Variants in WDR46 observed in about 807,000 individuals in gnomAD.
WDR46 encodes the protein WD repeat-containing protein 46.
Under a neutral mutation model 74.7 loss-of-function variants are expected in WDR46, and 58 were observed. The ratio of observed to expected loss-of-function variants is 0.78; its 90% CI spans 0.63 to 0.97. The LOEUF is 0.97. Among genes scored for constraint, WDR46 ranks in the 50% least tolerant of loss-of-function variants. The probability of loss-of-function intolerance (pLI) is 0.00; values close to 1 mark genes in which losing one functional copy is unlikely to be tolerated. For synonymous variants in WDR46, 278 were observed against 297.3 expected, an observed-to-expected ratio of 0.93 and a Z score of 0.67; for missense variants, 702 against 790.1, an observed-to-expected ratio of 0.89 and a Z score of 1.34.
At position 33,288,140 on chromosome 6, in the gene WDR46, A is replaced by G. The variant is rs1349859667; in HGVS notation, c.561+8T>C. 1 of 1,614,166 alleles carries G rather than the reference A, an allele frequency of 6.2e-7. No individual in the cohort carries two copies. Among genetic ancestry groups the G allele is most frequent in the Non-Finnish European group, 8.5e-7 (1 of 1,180,038 alleles). ...AATCCCTTGGCTCCTTTACCTCCTC[A>G]GGCTCACCTTGGCTGCACTTGCAAT... On this transcript the variant is annotated splice_region_variant and intron_variant, in intron 5 of 14. Transcript: ENST00000374617.
In WDR46 at chr6:33,288,032, A is replaced by G; in HGVS notation, c.562-6T>C. 1 of 1,614,154 alleles carries G rather than the reference A, an allele frequency of 6.2e-7. No individual in the cohort carries two copies. The highest frequency in any genetic ancestry group is 8.5e-7 in the Non-Finnish European group (1 of 1,180,008). The stretch of plus-strand genomic sequence containing the variant: ...CGCAGATTCAAGTCAAAGTGCTGGG[A>G]AAGAGAAGAGTGAAAAAAAAGAGTG... On this transcript the variant is annotated splice_polypyrimidine_tract_variant and splice_region_variant and intron_variant, in intron 5 of 14. Coordinates refer to ENST00000374617, the MANE Select transcript of WDR46 (RefSeq NM_005452.6).
In WDR46 at chr6:33,287,643, G is replaced by A; in HGVS notation, c.699C>T (p.Ile233=). The A allele has an allele frequency of 1.2e-6, 2 of 1,613,912 alleles. No individual in the cohort carries two copies. Among genetic ancestry groups the A allele is most frequent in the Non-Finnish European group, 1.7e-6 (2 of 1,180,008 alleles). The change falls in exon 7 of 15, where the codon ATC becomes ATT. Residue 233 remains isoleucine, a synonymous_variant. Coordinates refer to ENST00000374617, the MANE Select transcript of WDR46 (RefSeq NM_005452.6). ...DWVTKKLMCE[I]NVMEAVRDIR... Reference sequence around the variant, plus strand: ...TGTCCCGCACCGCCTCCATGACGTTGATCTCGCACATAAGCTTCTTTGTTA... The same window carrying A: ...TGTCCCGCACCGCCTCCATGACGTTAATCTCGCACATAAGCTTCTTTGTTA...
chr6:33,287,499 G>A lies in WDR46; in HGVS notation c.735C>T (p.Leu245=), dbSNP rs978290809. 3.7e-6 allele frequency: 6 copies of A among 1,613,324 alleles called. No individual in the cohort carries two copies. In the African/African-American group the frequency reaches 8.0e-5, roughly 22 times the overall value. The part of the protein sequence containing the change: ...VMEAVRDIRF[L]HSEALLAVAQ... Reference sequence around the variant, plus strand: ...CAACAGCAAGCAGTGCCTCAGAATGGAGAAACCTGGGGGAGAGGAAGAGTG... The same window carrying A: ...CAACAGCAAGCAGTGCCTCAGAATGAAGAAACCTGGGGGAGAGGAAGAGTG... The change falls in exon 8 of 15, where the codon CTC becomes CTT. Residue 245 remains leucine, a synonymous_variant. Coordinates refer to ENST00000374617, the MANE Select transcript of WDR46 (RefSeq NM_005452.6).
chr6:33,283,662 G>A (rs1213018452), intron 10 of WDR46, among the ~76,000 whole-genome samples: 1 of 152,142 alleles, frequency 6.6e-6, no homozygotes, highest in African/African-American at 2.4e-5. Flanking sequence ...CACTTTGGGA[G>A]GCCGAGGTGG....
At chr6:33,280,549 A>C in intron 11 of WDR46, 27 bp from the exon 12 acceptor site, 1 of 1,599,000 alleles carries the variant, frequency 6.3e-7, no homozygotes, top group Non-Finnish European at 8.5e-7. Flanking sequence ...AGAAGCATGG[A>C]GCCATAAGGA....
In WDR46 at chr6:33,280,834, GACA is replaced by G; in HGVS notation, c.1266_1268del (p.Val423del). The G allele has an allele frequency of 6.2e-7, 1 of 1,614,176 alleles. No homozygotes were observed. Among genetic ancestry groups the G allele is most frequent in the East Asian group, 2.2e-5 (1 of 44,880 alleles). On this transcript the variant is annotated inframe_deletion, in exon 11 of 15. Coordinates refer to ENST00000374617, the MANE Select transcript of WDR46 (RefSeq NM_005452.6). ...CCTTGCCCTGCCCTGCCCAGATGTT[GACA>G]ACGTCACCCATTCCCGCCACCAGCA...
intron 12 of WDR46, among the ~76,000 whole-genome samples, chr6:33,280,210 A>T (rs1266858066): frequency 2.1e-5 from 3 of 144,826 alleles, no homozygotes; most frequent in Non-Finnish European, 4.5e-5. Flanking sequence ...GACCCCGTCC[A>T]GGAGAGGGGA....
At position 33,280,787 on chromosome 6, in the gene WDR46, T is replaced by C; in HGVS notation, c.1316A>G (p.Gln439Arg). 1 of 1,614,186 alleles carries C rather than the reference T, an allele frequency of 6.2e-7. No individual in the cohort carries two copies. Among genetic ancestry groups the C allele is most frequent in the Non-Finnish European group, 8.5e-7 (1 of 1,180,016 alleles). Residue 439 changes from glutamine to arginine, a missense_variant, in exon 11 of 15, where the codon CAG becomes CGG. By Grantham distance (43) the Gln-to-Arg change is conservative (BLOSUM62 1). Transcript: ENST00000374617. Reference sequence around the variant, plus strand: ...TGAGAGCCGGTGGGTGAGGTAGGGCTGTTCAAGGGAGGGTGGGCTGGCCTT... The same window carrying C: ...TGAGAGCCGGTGGGTGAGGTAGGGCCGTTCAAGGGAGGGTGGGCTGGCCTT... ...QGKASPPSLE[Q>R]PYLTHRLSGP...
chr6:33,287,550 G>A (rs754579524), intron 7 of WDR46, 45 bp from the exon 8 acceptor site: 3 of 1,613,626 alleles, frequency 1.9e-6, no homozygotes, highest in Non-Finnish European at 2.5e-6. Context: ...GAGGTCACAG[G>A]CTATCATTCA....
chr6:33,288,477 CATT>C lies in WDR46; in HGVS notation c.361-10_361-8del, dbSNP rs1180144821. On this transcript the variant is annotated splice_polypyrimidine_tract_variant and splice_region_variant and intron_variant, in intron 3 of 14. Transcript: ENST00000374617. ...TGGCTTTAGAATGTGGTAGCTGTAACATTGTTGGTGGGGAGGAGTGGCAGAAGA... is the reference window on the plus strand; with the variant it reads ...TGGCTTTAGAATGTGGTAGCTGTAACGTTGGTGGGGAGGAGTGGCAGAAGA... 6 of 1,613,950 alleles carry C rather than the reference CATT, an allele frequency of 3.7e-6. No homozygotes were observed. Among genetic ancestry groups the C allele is most frequent in the South Asian group, 1.1e-5 (1 of 91,082 alleles).
At chr6:33,281,196 G>C (rs1269581429) in intron 10 of WDR46, among the ~76,000 whole-genome samples, 1 of 152,194 alleles carries the variant, frequency 6.6e-6, no homozygotes, top group African/African-American at 2.4e-5. Context: ...TGAGGAAACT[G>C]AAGCTCAGGG....
Position 33,280,679 on chromosome 6 carries a change from A to T in WDR46, c.1424T>A (p.Val475Asp). Residue 475 changes from valine to aspartate, a missense_variant, in exon 11 of 15, where the codon GTC (valine) becomes GAC (aspartate). Coordinates refer to ENST00000374617, the MANE Select transcript of WDR46 (RefSeq NM_005452.6). The stretch of plus-strand genomic sequence containing the variant: ...CCATCCCCTGGCCCACTCACCAGGG[A>T]CCAGCATGCTGGTGATGCCCCCAGT... ...GHTGGITSML[V>D]PGAGEPNFDG... 6.3e-7 allele frequency: 1 copy of T among 1,583,384 alleles called. No homozygotes were observed. Among genetic ancestry groups the T allele is most frequent in the Non-Finnish European group, 8.6e-7 (1 of 1,161,518 alleles).
At chr6:33,279,452 G>A (rs755408659) in intron 14 of WDR46, 45 bp downstream of exon 14, 2 of 1,610,684 alleles carry the variant, frequency 1.2e-6, no homozygotes, top group African/African-American at 1.3e-5. Flanking sequence ...ACAAGCAGGA[G>A]GGTGCAGCCT....
chr6:33,288,956 C>A lies in WDR46; in HGVS notation c.127G>T (p.Gly43Trp). The A allele has an allele frequency of 6.2e-7, 1 of 1,614,108 alleles. No homozygotes were observed. ...TVPTTAGASP[G>W]PPRNKKNREL... ...CGATTCTTCTTGTTACGAGGAGGCC[C>A]TGGAGAGGCTCCGGCTGTGGTCGGA... The change falls in exon 2 of 15, where the codon GGG becomes TGG. Residue 43 changes from glycine to tryptophan, a missense_variant. Transcript: ENST00000374617.
At position 33,287,460 on chromosome 6, in the gene WDR46, C is replaced by A; in HGVS notation, c.774G>T (p.Trp258Cys). 1 of 1,612,576 alleles carries A rather than the reference C, an allele frequency of 6.2e-7. No homozygotes were observed. The highest frequency in any genetic ancestry group is 1.7e-5 in the Admixed American group (1 of 59,776). ...EALLAVAQNR[W>C]LHIYDNQGIE... ...TGCCCTGATTGTCATAGATGTGGAG[C>A]CAGCGGTTCTGAGCAACAGCAAGCA... Residue 258 changes from tryptophan to cysteine, a missense_variant, in exon 8 of 15, where the codon TGG becomes TGT. Physicochemically the swap from Trp to Cys is radical, Grantham distance 215. Coordinates refer to ENST00000374617, the MANE Select transcript of WDR46 (RefSeq NM_005452.6).
At chr6:33,285,644 C>G (rs1289911672) in intron 10 of WDR46, among the ~76,000 whole-genome samples, 1 of 151,832 alleles carries the variant, frequency 6.6e-6, no homozygotes, top group Non-Finnish European at 1.5e-5. Context: ...CTGCCTCAGC[C>G]TCCCAAGTTG....
In WDR46 at chr6:33,287,086, C is replaced by CTGACCATTGCTGTGTCCGAGATGGA. The variant is rs779094358; in HGVS notation, c.995_1015+4dup. 6.2e-7 allele frequency: 1 copy of CTGACCATTGCTGTGTCCGAGATGGA among 1,613,082 alleles called. No individual in the cohort carries two copies. The highest frequency in any genetic ancestry group is 8.5e-7 in the Non-Finnish European group (1 of 1,179,388). ...GTCAGAGTCAAAACTAAGCCAGGTACTGACCATTGCTGTGTCCGAGATGGA... is the reference window on the plus strand; with the variant it reads ...GTCAGAGTCAAAACTAAGCCAGGTACTGACCATTGCTGTGTCCGAGATGGATGACCATTGCTGTGTCCGAGATGGA... On this transcript the variant is annotated splice_donor_region_variant and intron_variant, in intron 9 of 14. Coordinates refer to ENST00000374617, the MANE Select transcript of WDR46 (RefSeq NM_005452.6).
intron 10 of WDR46, among the ~76,000 whole-genome samples, chr6:33,286,223 G>C (rs564976471): frequency 6.6e-6 from 1 of 152,210 alleles, no homozygotes; most frequent in East Asian, 1.9e-4. Context: ...GAGGCGGGCA[G>C]ATCACTTGAG....
chr6:33,280,392 G>A (rs72655907), intron 12 of WDR46, 36 bp downstream of exon 12: 17 of 1,549,356 alleles, frequency 1.1e-5, no homozygotes, highest in Admixed American at 3.9e-5. Context: ...TCCAGCAATG[G>A]GGGGGATCTC....
Sources: allele counts gnomAD v4.1 joint callset (sites outside exome capture counted in the v4.1 genomes callset), GRCh38; gene constraint gnomAD v4.1.1; transcripts MANE v1.5; gene names NCBI Gene and HGNC (gene_info 2026-07-23, HGNC 2026-07-21).